The following TRIM71 variants were observed in gnomAD, a reference collection of about 807,000 sequenced individuals.
TRIM71 encodes E3 ubiquitin-protein ligase TRIM71.
TRIM71 carries 9 observed loss-of-function variants against 61.2 expected under a neutral mutation model. The ratio of observed to expected loss-of-function variants is 0.15; its 90% CI spans 0.09 to 0.26. The LOEUF (loss-of-function observed/expected upper bound fraction) is 0.26, where lower values mean the gene tolerates loss of function less well. Ranked by LOEUF, TRIM71 falls within the 10% of genes least tolerant of loss-of-function variation. TRIM71 has a pLI of 1.00. For synonymous variants in TRIM71, 645 were observed against 553.2 expected, an observed-to-expected ratio of 1.17 and a Z score of -2.33; for missense variants, 998 against 1,238.7, an observed-to-expected ratio of 0.81 and a Z score of 2.92.
chr3:32,873,770 C>G (rs1383266260), intron 1 of TRIM71, 48 bp from the exon 2 acceptor site: 7 of 1,422,312 alleles, frequency 4.9e-6, no homozygotes, highest in African/African-American at 1.4e-5. Flanking sequence ...TTCCCTCCTC[C>G]TCCCGTCCTG....
chr3:32,870,935 C>T (rs994943880), intron 1 of TRIM71, among the ~76,000 whole-genome samples: 1 of 151,782 alleles, frequency 6.6e-6, no homozygotes, highest in African/African-American at 2.4e-5. Flanking sequence ...ACCTCAGGCT[C>T]CTGAGTACAA....
At chr3:32,849,572 T>A (rs1412211442) in intron 1 of TRIM71, among the ~76,000 whole-genome samples, 1 of 152,060 alleles carries the variant, frequency 6.6e-6, no homozygotes, top group Non-Finnish European at 1.5e-5. Context: ...TTGGCTGGGC[T>A]GGTCTCGAAC....
chr3:32,870,307 C>T (rs1405524252), intron 1 of TRIM71, among the ~76,000 whole-genome samples: 6 of 152,096 alleles, frequency 3.9e-5, no homozygotes, highest in Admixed American at 6.5e-5. Flanking sequence ...TTACTAATAA[C>T]GAGCACATTG....
chr3:32,838,800 CT>C (rs377239898), intron 1 of TRIM71, among the ~76,000 whole-genome samples: 101 of 147,034 alleles, frequency 6.9e-4, no homozygotes, highest in Middle Eastern at 3.6e-3. Flanking sequence ...TTTTGAGCTC[CT>C]TTTTTTTTTT....
chr3:32,848,183 A>G (rs949927991), intron 1 of TRIM71, among the ~76,000 whole-genome samples: 18 of 152,336 alleles, frequency 1.2e-4, no homozygotes, highest in Middle Eastern at 6.8e-3. Context: ...TTTGCCTTAG[A>G]TTTTTAATTT....
At chr3:32,862,795 G>A (rs766771415) in intron 1 of TRIM71, among the ~76,000 whole-genome samples, 5 of 152,192 alleles carry the variant, frequency 3.3e-5, no homozygotes, top group African/African-American at 9.7e-5. Flanking sequence ...GATGCATGCC[G>A]GGGCGGCAGC....
At chr3:32,844,097 G>A (rs534035802) in intron 1 of TRIM71, among the ~76,000 whole-genome samples, 4 of 152,194 alleles carry the variant, frequency 2.6e-5, no homozygotes, top group African/African-American at 4.8e-5. Flanking sequence ...GCTTTCTCGC[G>A]TCGTCGTTAT....
At chr3:32,838,367 GGCTTGT>G (rs2125678217) in intron 1 of TRIM71, among the ~76,000 whole-genome samples, 1 of 152,142 alleles carries the variant, frequency 6.6e-6, no homozygotes, top group Non-Finnish European at 1.5e-5. Flanking sequence ...TGGGATTAGA[GGCTTGT>G]GCCACCATGC....
At chr3:32,821,813 C>G (rs1205157403) in intron 1 of TRIM71, among the ~76,000 whole-genome samples, 4 of 151,226 alleles carry the variant, frequency 2.6e-5, no homozygotes, top group Non-Finnish European at 4.4e-5. Context: ...AGAGTCGCCG[C>G]GGGCCTGCGC....
intron 1 of TRIM71, among the ~76,000 whole-genome samples, chr3:32,845,034 G>C (rs1415624959): frequency 1.3e-5 from 2 of 152,200 alleles, no homozygotes; most frequent in Non-Finnish European, 2.9e-5. Flanking sequence ...CTAGAACTAG[G>C]TGAGGCTGTG....
At chr3:32,843,999 G>A (rs1559541091) in intron 1 of TRIM71, among the ~76,000 whole-genome samples, 2 of 152,242 alleles carry the variant, frequency 1.3e-5, no homozygotes, top group East Asian at 1.9e-4. Context: ...GTGAACTATA[G>A]AGAAAATAAG....
At chr3:32,872,540 TC>T (rs1208705186) in intron 1 of TRIM71, among the ~76,000 whole-genome samples, 1 of 152,194 alleles carries the variant, frequency 6.6e-6, no homozygotes, top group African/African-American at 2.4e-5. Context: ...CCAAGCCTTC[TC>T]CCCATCTCTG....
chr3:32,873,815 C>A lies in TRIM71; in HGVS notation c.853-3C>A. ...TTATGCCTGTACCCTCTCTTGTCCCCAGGTGCTGCACCTGTACTGTGACAC... is the reference window on the plus strand; with the variant it reads ...TTATGCCTGTACCCTCTCTTGTCCCAAGGTGCTGCACCTGTACTGTGACAC... On this transcript the variant is annotated splice_region_variant and splice_polypyrimidine_tract_variant and intron_variant, in intron 1 of 3. Transcript: ENST00000383763. 1 of 1,562,074 alleles carries A rather than the reference C, an allele frequency of 6.4e-7. No homozygotes were observed. Among genetic ancestry groups the A allele is most frequent in the Non-Finnish European group, 8.7e-7 (1 of 1,147,220 alleles).
chr3:32,839,377 C>T (rs1001910765), intron 1 of TRIM71, among the ~76,000 whole-genome samples: 2 of 151,834 alleles, frequency 1.3e-5, no homozygotes, highest in East Asian at 1.9e-4. Flanking sequence ...ATTACAGGTG[C>T]GTGCCACCAC....
chr3:32,892,458 T>TA lies in TRIM71; in HGVS notation c.*649dup, dbSNP rs1697037721. The stretch of plus-strand genomic sequence containing the variant: ...TTCTCTGTTTATACCTCAGTGTGTT[T>TA]AACATCCTCTTCTGCATCGTTTCTT... On this transcript the variant is annotated 3_prime_UTR_variant, in exon 4 of 4. Transcript: ENST00000383763. 1 of 152,258 alleles carries TA rather than the reference T, an allele frequency of 6.6e-6. No individual in the cohort carries two copies. The highest frequency in any genetic ancestry group is 2.4e-5 in the African/African-American group (1 of 41,456). 9.4% of individuals were successfully genotyped at this position (152,258 alleles called of 1,614,324 possible).
At chr3:32,840,966 G>C (rs1696397252) in intron 1 of TRIM71, among the ~76,000 whole-genome samples, 1 of 152,124 alleles carries the variant, frequency 6.6e-6, no homozygotes, top group African/African-American at 2.4e-5. Context: ...AAAAAGCCTG[G>C]CTGGGCGCAG....
chr3:32,879,654 C>G (rs530839985), intron 2 of TRIM71, among the ~76,000 whole-genome samples: 1 of 131,588 alleles, frequency 7.6e-6, no homozygotes, highest in South Asian at 2.7e-4. Flanking sequence ...GCAGTATTGC[C>G]ACAAATCTTC....
intron 1 of TRIM71, among the ~76,000 whole-genome samples, chr3:32,839,416 G>GA (rs1489236311): frequency 1.3e-5 from 2 of 151,922 alleles, no homozygotes; most frequent in African/African-American, 4.8e-5. Flanking sequence ...TTTTTAGTTA[G>GA]ATACAGGGTT....
intron 1 of TRIM71, among the ~76,000 whole-genome samples, chr3:32,824,117 A>C (rs1008544221): frequency 6.6e-6 from 1 of 151,994 alleles, no homozygotes; most frequent in South Asian, 2.1e-4. Flanking sequence ...AAAAATTGCC[A>C]TTTCCCATCT....
Sources: gnomAD v4.1 joint callset for allele counts (sites outside exome capture counted in the v4.1 genomes callset) on GRCh38, gnomAD v4.1.1 for gene constraint, MANE v1.5 for transcripts, NCBI Gene and HGNC (gene_info 2026-07-23, HGNC 2026-07-21) for gene names.